The following SAMD4A variants were observed in gnomAD, a reference collection of about 807,000 sequenced individuals.
The protein encoded by SAMD4A is sterile alpha motif domain containing 4A, also known as protein Smaug homolog 1.
A neutral mutation model predicts 81.3 loss-of-function variants in SAMD4A; 33 were observed. The observed-to-expected ratio is 0.41, with a 90% CI of 0.31 to 0.54. The LOEUF (loss-of-function observed/expected upper bound fraction) is 0.54. Ranked by LOEUF, SAMD4A falls within the 20% of genes least tolerant of loss-of-function variation. The probability of loss-of-function intolerance (pLI) is 0.37; values close to 1 mark genes in which losing one functional copy is unlikely to be tolerated. For missense variants in SAMD4A, 854 were observed against 951.1 expected, an observed-to-expected ratio of 0.90 and a Z score of 1.34; for synonymous variants, 389 against 382.1, an observed-to-expected ratio of 1.02 and a Z score of -0.21.
chr14:54,694,884 A>C, intron 2 of SAMD4A: 1 of 985,568 alleles, frequency 1.0e-6, no homozygotes, highest in Non-Finnish European at 1.2e-6. Flanking sequence ...CTACAGATGG[A>C]AAGTCTCCAT....
chr14:54,767,546 C>CAGCCACAT (rs1388109823), intron 8 of SAMD4A, among the ~76,000 whole-genome samples: 1 of 152,240 alleles, frequency 6.6e-6, no homozygotes, highest in Non-Finnish European at 1.5e-5. Flanking sequence ...CCTTTTCATC[C>CAGCCACAT]AGCCACATAT....
intron 8 of SAMD4A, among the ~76,000 whole-genome samples, chr14:54,766,331 A>C (rs1405893979): frequency 6.6e-6 from 1 of 151,426 alleles, no homozygotes; most frequent in Non-Finnish European, 1.5e-5. Context: ...CTGAGCACCT[A>C]GGCAGGTTAC....
At chr14:54,606,557 A>C (rs2034211730) in intron 2 of SAMD4A, among the ~76,000 whole-genome samples, 1 of 152,178 alleles carries the variant, frequency 6.6e-6, no homozygotes, top group Admixed American at 6.5e-5. Context: ...GGGAAGATGA[A>C]GGGCACAGGG....
At chr14:54,623,842 C>G (rs2034680290) in intron 2 of SAMD4A, among the ~76,000 whole-genome samples, 1 of 152,162 alleles carries the variant, frequency 6.6e-6, no homozygotes. Flanking sequence ...TATGGCTGCC[C>G]AGGGCCCCTT....
chr14:54,724,045 G>A (rs2037349544), intron 3 of SAMD4A, among the ~76,000 whole-genome samples: 1 of 150,932 alleles, frequency 6.6e-6, no homozygotes, highest in South Asian at 2.1e-4. Context: ...AGGAAGGAAG[G>A]AAGGAATAAT....
At position 54,742,733 on chromosome 14, in the gene SAMD4A, T is replaced by A. The variant is rs79936655; in HGVS notation, c.979+5446T>A. Among the ~76,000 whole-genome samples, 16 of 152,310 alleles carry A rather than the reference T, an allele frequency of 1.1e-4. No individual in the cohort carries two copies. In the East Asian group the frequency reaches 3.1e-3, roughly 29 times the overall value. ...ATGCTTATGATGTTTGGCATTATGT[T>A]AGCACACAAATGTAGAAGTCATTGA... On this transcript the variant is annotated intron_variant, in intron 4 of 12. Coordinates refer to ENST00000554335, the MANE Select transcript of SAMD4A (RefSeq NM_015589.6).
chr14:54,774,411 A>G (rs2038782503), intron 9 of SAMD4A, among the ~76,000 whole-genome samples: 1 of 152,190 alleles, frequency 6.6e-6, no homozygotes, highest in Admixed American at 6.5e-5. Flanking sequence ...AACTGTCAAA[A>G]TGTGAGCAGA....
chr14:54,742,276 C>A (rs1052799343), intron 4 of SAMD4A, among the ~76,000 whole-genome samples: 2 of 151,970 alleles, frequency 1.3e-5, no homozygotes, highest in Non-Finnish European at 2.9e-5. Context: ...CAGGTGTCTG[C>A]CTGGGACATA....
At chr14:54,626,049 TGTGTGTGTGTGCGCGCGC>T (rs1328215151) in intron 2 of SAMD4A, among the ~76,000 whole-genome samples, 1 of 128,194 alleles carries the variant, frequency 7.8e-6, no homozygotes, top group East Asian at 2.1e-4. Flanking sequence ...TGTGTGTGTG[TGTGTGTGTGTGCGCGCGC>T]GCGCGCGCGA....
At chr14:54,583,487 A>G (rs28432189) in intron 2 of SAMD4A, among the ~76,000 whole-genome samples, 8,706 of 152,234 alleles carry the variant, frequency 0.057, 380 homozygotes, top group African/African-American at 0.12. Context: ...GCAGTCTTCT[A>G]TTAGAGAAAA....
chr14:54,700,589 G>A (rs2140733253), intron 2 of SAMD4A, among the ~76,000 whole-genome samples: 1 of 152,282 alleles, frequency 6.6e-6, no homozygotes. Flanking sequence ...TTCTAGATAT[G>A]GCATAAAAAC....
intron 2 of SAMD4A, among the ~76,000 whole-genome samples, chr14:54,680,837 G>A (rs958547613): frequency 1.3e-5 from 2 of 152,178 alleles, no homozygotes; most frequent in African/African-American, 4.8e-5. Context: ...GGTATGTTCT[G>A]GAGTCTCTTC....
chr14:54,784,576 G>A lies in SAMD4A; in HGVS notation c.2084G>A (p.Arg695Lys). The A allele has an allele frequency of 6.2e-7, 1 of 1,614,218 alleles. No individual in the cohort carries two copies. The highest frequency in any genetic ancestry group is 1.1e-5 in the South Asian group (1 of 91,080). The part of the protein sequence containing the change: ...LPVTEPDINN[R>K]LESLCLSMTE... ...GTGACCGAACCTGACATCAACAACA[G>A]GCTGGAGTCGTTGTGCCTCAGTATG... Residue 695 changes from arginine to lysine, a missense_variant, in exon 12 of 13, where the codon AGG (arginine) becomes AAG (lysine). By Grantham distance (26) the Arg-to-Lys change is conservative (BLOSUM62 2). Transcript: ENST00000554335.
chr14:54,743,655 T>A (rs1017913767), intron 4 of SAMD4A, among the ~76,000 whole-genome samples: 2 of 152,184 alleles, frequency 1.3e-5, no homozygotes, highest in Non-Finnish European at 2.9e-5. Context: ...GTGTCTAACA[T>A]GTCAAAGTGG....
intron 3 of SAMD4A, among the ~76,000 whole-genome samples, chr14:54,727,995 C>G (rs1444959185): frequency 1.3e-5 from 2 of 152,152 alleles, no homozygotes; most frequent in African/African-American, 2.4e-5. Context: ...GTCTGTAGCT[C>G]CAGACAGCCC....
chr14:54,613,562 A>G (rs548895420), intron 2 of SAMD4A, among the ~76,000 whole-genome samples: 2 of 152,196 alleles, frequency 1.3e-5, no homozygotes, highest in Admixed American at 6.5e-5. Context: ...AACTCCAGCT[A>G]AGGCCATTTC....
chr14:54,580,630 G>A (rs1157053372), intron 2 of SAMD4A, among the ~76,000 whole-genome samples: 1 of 152,180 alleles, frequency 6.6e-6, no homozygotes, highest in Non-Finnish European at 1.5e-5. Context: ...GTATGGTGGT[G>A]TGGACCAACC....
chr14:54,731,577 A>G (rs777861241), intron 3 of SAMD4A, among the ~76,000 whole-genome samples: 1 of 152,240 alleles, frequency 6.6e-6, no homozygotes, highest in Non-Finnish European at 1.5e-5. Context: ...ACTTATTTTT[A>G]TAAGGTTTAG....
intron 3 of SAMD4A, among the ~76,000 whole-genome samples, chr14:54,721,819 C>G (rs1317170080): frequency 1.3e-5 from 2 of 152,128 alleles, no homozygotes; most frequent in Non-Finnish European, 2.9e-5. Flanking sequence ...ATAAGAGATT[C>G]TGCTGTTCTG....
Sources: allele counts gnomAD v4.1 joint callset (sites outside exome capture counted in the v4.1 genomes callset), GRCh38; gene constraint gnomAD v4.1.1; transcripts MANE v1.5; gene names NCBI Gene and HGNC (gene_info 2026-07-23, HGNC 2026-07-21).